Variants in ARSB observed in about 807,000 individuals in gnomAD.
ARSB encodes N-acetylgalactosamine-4-sulfatase.
Under a neutral mutation model 50.9 loss-of-function variants are expected in ARSB, and 41 were observed. The observed-to-expected ratio is 0.81, with a 90% CI of 0.63 to 1.04. The LOEUF is 1.04. Ranked by LOEUF, ARSB falls within the 50% of genes least tolerant of loss-of-function variation. ARSB has a pLI of 0.00. For synonymous variants in ARSB, 269 were observed against 284.8 expected (o/e 0.94, Z 0.56); for missense variants, 672 against 693.3 (o/e 0.97, Z 0.35).
intron 1 of ARSB, among the ~76,000 whole-genome samples, chr5:78,984,661 C>A (rs182570858): frequency 2.4e-4 from 37 of 152,230 alleles, no homozygotes; most frequent in Non-Finnish European, 4.4e-4. Flanking sequence ...AACCCCTTCG[C>A]CCGGAGCTTC....
At chr5:78,883,357 A>G (rs918809258) in intron 5 of ARSB, 1 of 152,214 alleles carries the variant, frequency 6.6e-6, no homozygotes, top group Non-Finnish European at 1.5e-5. Flanking sequence ...GATGCTGTAG[A>G]GTGTTCTTGA....
chr5:78,936,630 G>A (rs4421085), intron 4 of ARSB, among the ~76,000 whole-genome samples: 34,442 of 152,046 alleles, frequency 0.23, 4,186 homozygotes, highest in East Asian at 0.46. Context: ...CTCAAAGCCT[G>A]CAGGTCTCAC....
intron 6 of ARSB, among the ~76,000 whole-genome samples, chr5:78,822,063 GT>G (rs1180061266): frequency 6.6e-6 from 1 of 152,168 alleles, no homozygotes; most frequent in African/African-American, 2.4e-5. Context: ...AATGTCAAAG[GT>G]TTTTTGGTTT....
intron 5 of ARSB, among the ~76,000 whole-genome samples, chr5:78,851,231 A>G (rs575924345): frequency 5.3e-5 from 8 of 152,030 alleles, no homozygotes; most frequent in Non-Finnish European, 1.2e-4. Flanking sequence ...ACTGCTTTGA[A>G]TGTGTCCCAG....
intron 6 of ARSB, among the ~76,000 whole-genome samples, chr5:78,795,232 A>G (rs1260861780): frequency 1.3e-5 from 2 of 152,168 alleles, no homozygotes; most frequent in African/African-American, 4.8e-5. Context: ...GCAGCTGCCC[A>G]GCAGAGGTGG....
intron 6 of ARSB, 80 bp downstream of exon 6, chr5:78,839,276 A>G (rs913475747): frequency 7.4e-7 from 1 of 1,349,576 alleles, no homozygotes; most frequent in Admixed American, 1.7e-5. Flanking sequence ...AGAGAAAGCT[A>G]GGCTAGAGAC....
At chr5:78,910,448 C>G (rs1749258358) in intron 4 of ARSB, among the ~76,000 whole-genome samples, 6 of 152,194 alleles carry the variant, frequency 3.9e-5, no homozygotes, top group Admixed American at 1.3e-4. Context: ...GTCACTGCCC[C>G]ATCTATTGTT....
At chr5:78,843,141 C>T (rs866390620) in intron 5 of ARSB, among the ~76,000 whole-genome samples, 1 of 152,220 alleles carries the variant, frequency 6.6e-6, no homozygotes, top group Non-Finnish European at 1.5e-5. Context: ...ACCGCTGCTC[C>T]TAAGCAGTGC....
intron 4 of ARSB, among the ~76,000 whole-genome samples, chr5:78,941,108 T>C (rs1481106411): frequency 6.7e-6 from 1 of 149,844 alleles, no homozygotes; most frequent in East Asian, 1.9e-4. Context: ...TGTATAAGAA[T>C]GCTTGTGATT....
intron 6 of ARSB, among the ~76,000 whole-genome samples, chr5:78,819,754 G>A (rs1238267025): frequency 1.3e-5 from 2 of 152,228 alleles, no homozygotes; most frequent in East Asian, 3.8e-4. Context: ...GAGACTGAAG[G>A]GGGCCACAGA....
At chr5:78,928,305 CT>C (rs34737292) in intron 4 of ARSB, among the ~76,000 whole-genome samples, 737 of 72,568 alleles carry the variant, frequency 0.01, 90 homozygotes, top group African/African-American at 0.022. Flanking sequence ...TTTGCTTTTG[CT>C]TTTTTTTTTT....
At chr5:78,882,037 G>C (rs1175695883) in intron 5 of ARSB, among the ~76,000 whole-genome samples, 1 of 152,232 alleles carries the variant, frequency 6.6e-6, no homozygotes, top group African/African-American at 2.4e-5. Flanking sequence ...AACCCAGCAA[G>C]GTCTGTCTCT....
chr5:78,855,380 C>G (rs1746086963), intron 5 of ARSB, among the ~76,000 whole-genome samples: 1 of 152,214 alleles, frequency 6.6e-6, no homozygotes, highest in South Asian at 2.1e-4. Context: ...AATCAGGACA[C>G]TGCTTCAGCT....
At chr5:78,886,902 G>T (rs558508110) in intron 4 of ARSB, among the ~76,000 whole-genome samples, 1 of 152,300 alleles carries the variant, frequency 6.6e-6, no homozygotes, top group Admixed American at 6.5e-5. Context: ...GCATCTGGGA[G>T]GAAAGAGAAT....
intron 2 of ARSB, among the ~76,000 whole-genome samples, chr5:78,966,443 C>G (rs923200111): frequency 3.3e-5 from 5 of 152,220 alleles, no homozygotes; most frequent in Admixed American, 6.5e-5. Flanking sequence ...AATTCACATA[C>G]CACACAAGTC....
chr5:78,781,828 A>C (rs775132181), intron 7 of ARSB, 24 bp downstream of exon 7: 2 of 1,613,726 alleles, frequency 1.2e-6, no homozygotes, highest in African/African-American at 1.3e-5. Flanking sequence ...CGGGAAGGGA[A>C]GTTTGCTAAG....
chr5:78,935,085 C>T (rs1347265520), intron 4 of ARSB, among the ~76,000 whole-genome samples: 7 of 152,082 alleles, frequency 4.6e-5, no homozygotes, highest in Non-Finnish European at 1.0e-4. Context: ...AGAATTTCAA[C>T]TTTGCTCCCT....
rs1342330869 is a variant in ARSB at position 78,884,656 on chromosome 5, A to G, written c.1142+928T>C. 5 of 152,190 alleles carry G rather than the reference A, an allele frequency of 3.3e-5. No individual in the cohort carries two copies. The East Asian group carries it at 9.6e-4, about 29-fold the overall frequency. The allele number at this position is 152,190 out of a possible 1,614,324, so 9.4% of individuals were successfully genotyped here. Reference sequence around the variant, plus strand: ...CTAGGTCATTCCACCCGTAAAAATAATACCTCCAATATATGCATATTTATT... The same window carrying G: ...CTAGGTCATTCCACCCGTAAAAATAGTACCTCCAATATATGCATATTTATT... On this transcript the variant is annotated intron_variant, in intron 5 of 7. Transcript: ENST00000264914.
At chr5:78,952,104 A>G (rs1208376824) in intron 4 of ARSB, among the ~76,000 whole-genome samples, 1 of 152,186 alleles carries the variant, frequency 6.6e-6, no homozygotes, top group Non-Finnish European at 1.5e-5. Flanking sequence ...ATATAAGACA[A>G]TCCTATTTAA....
Sources: allele counts gnomAD v4.1 joint callset (sites outside exome capture counted in the v4.1 genomes callset), GRCh38; gene constraint gnomAD v4.1.1; transcripts MANE v1.5; gene names NCBI Gene and HGNC (gene_info 2026-07-23, HGNC 2026-07-21).